PTPRG: variants seen among roughly 807,000 people sequenced by gnomAD.
PTPRG encodes protein tyrosine phosphatase receptor type G.
In PTPRG, 102 loss-of-function variants were observed where a neutral mutation model predicts 165.3. The observed-to-expected ratio is 0.62, with a 90% CI of 0.53 to 0.73. The LOEUF (loss-of-function observed/expected upper bound fraction) is 0.73, where lower values mean the gene tolerates loss of function less well. Among genes scored for constraint, PTPRG ranks in the 30% least tolerant of loss-of-function variants. The pLI, the probability that PTPRG is intolerant of heterozygous loss-of-function variation, is 0.00. For missense variants in PTPRG, 1,866 were observed against 1,861.4 expected, an observed-to-expected ratio of 1.00 and a Z score of -0.05; for synonymous variants, 675 against 669.5, an observed-to-expected ratio of 1.01 and a Z score of -0.13.
At chr3:61,997,558 C>G (rs892659319) in intron 3 of PTPRG, among the ~76,000 whole-genome samples, 8 of 152,160 alleles carry the variant, frequency 5.3e-5, no homozygotes, top group Non-Finnish European at 1.2e-4. Context: ...TAACTCTCAG[C>G]TCAGACCATG....
chr3:61,616,266 G>A (rs1439454474), intron 1 of PTPRG, among the ~76,000 whole-genome samples: 1 of 152,138 alleles, frequency 6.6e-6, no homozygotes, highest in Non-Finnish European at 1.5e-5. Flanking sequence ...ATGGTATTTA[G>A]AAACCAACAT....
intron 2 of PTPRG, among the ~76,000 whole-genome samples, chr3:61,892,999 C>T (rs1192195396): frequency 6.6e-6 from 1 of 152,082 alleles, no homozygotes; most frequent in Non-Finnish European, 1.5e-5. Flanking sequence ...CGATTCAAAA[C>T]CTTCATTCCC....
In PTPRG at chr3:62,081,125, C is replaced by T. The variant is rs563360962; in HGVS notation, c.615+2867C>T. On this transcript the variant is annotated intron_variant, in intron 5 of 29. Transcript: ENST00000474889. ...ACAAAAAATTAGCCGGGCGTGGTGG[C>T]GGGCACCTGTAGTCCCAGCTACTCG... Among the ~76,000 whole-genome samples, 41 of 151,744 alleles carry T rather than the reference C, an allele frequency of 2.7e-4. No homozygotes were observed. The South Asian group carries it at 5.2e-3, about 19-fold the overall frequency.
intron 5 of PTPRG, among the ~76,000 whole-genome samples, chr3:62,131,485 A>G (rs1703512174): frequency 6.6e-6 from 1 of 152,182 alleles, no homozygotes; most frequent in Admixed American, 6.5e-5. Flanking sequence ...AATTAATTCT[A>G]GGGGTGGCTC....
Position 61,984,770 on chromosome 3 carries a change from C to T in PTPRG, c.191-4855C>T, listed in dbSNP as rs140192281. Among the ~76,000 whole-genome samples the T allele has an allele frequency of 3.3e-3, 508 of 152,258 alleles. 6 individuals carry two copies. The East Asian group carries it at 0.042, about 13-fold the overall frequency. On this transcript the variant is annotated intron_variant, in intron 2 of 29. Coordinates refer to ENST00000474889, the MANE Select transcript of PTPRG (RefSeq NM_002841.4). ...GATTCCACCATTCAATCTAGAGCACCACATTCTATTTATTGTCTGTGTCTC... is the reference window on the plus strand; with the variant it reads ...GATTCCACCATTCAATCTAGAGCACTACATTCTATTTATTGTCTGTGTCTC...
chr3:61,576,723 G>A (rs182994335), intron 1 of PTPRG, among the ~76,000 whole-genome samples: 1 of 152,220 alleles, frequency 6.6e-6, no homozygotes, highest in African/African-American at 2.4e-5. Context: ...AAATAGGTGT[G>A]CTGCTACATG....
intron 2 of PTPRG, among the ~76,000 whole-genome samples, chr3:61,827,254 T>C (rs1446987719): frequency 3.3e-5 from 5 of 152,212 alleles, no homozygotes; most frequent in African/African-American, 9.6e-5. Flanking sequence ...AAGATTCTAT[T>C]TGGAGGACTG....
At chr3:61,602,142 C>A (rs914127719) in intron 1 of PTPRG, among the ~76,000 whole-genome samples, 1 of 150,966 alleles carries the variant, frequency 6.6e-6, no homozygotes, top group Non-Finnish European at 1.5e-5. Flanking sequence ...TCTGTTCAGG[C>A]CTTCCTAGCT....
At chr3:61,621,081 ATT>A (rs1180480542) in intron 1 of PTPRG, among the ~76,000 whole-genome samples, 5 of 109,696 alleles carry the variant, frequency 4.6e-5, no homozygotes, top group East Asian at 2.5e-4. Context: ...GTGTGTGTAT[ATT>A]TATTTATCTG....
intron 9 of PTPRG, among the ~76,000 whole-genome samples, chr3:62,193,855 A>T (rs11921878): frequency 0.091 from 13,926 of 152,270 alleles, 2,093 homozygotes; most frequent in African/African-American, 0.31. Context: ...GGCCCAGAAC[A>T]CATGCTTTGA....
At chr3:62,146,398 T>C (rs1347927658) in intron 6 of PTPRG, among the ~76,000 whole-genome samples, 1 of 152,088 alleles carries the variant, frequency 6.6e-6, no homozygotes, top group Non-Finnish European at 1.5e-5. Context: ...ATTAATAAGG[T>C]GGACTGTCTC....
chr3:62,184,145 CG>C (rs917849268), intron 8 of PTPRG, among the ~76,000 whole-genome samples: 4 of 152,154 alleles, frequency 2.6e-5, no homozygotes, highest in African/African-American at 9.7e-5. Flanking sequence ...CTCTCGGATT[CG>C]GTTATGCGTT....
chr3:61,911,175 C>G (rs1247803986), intron 2 of PTPRG, among the ~76,000 whole-genome samples: 1 of 152,134 alleles, frequency 6.6e-6, no homozygotes, highest in Non-Finnish European at 1.5e-5. Context: ...TACTTATGAA[C>G]TGATACTTAA....
At chr3:61,986,372 G>C (rs944741001) in intron 2 of PTPRG, among the ~76,000 whole-genome samples, 2 of 152,156 alleles carry the variant, frequency 1.3e-5, no homozygotes, top group African/African-American at 4.8e-5. Context: ...TTGTATAATA[G>C]TAATAATGGG....
intron 19 of PTPRG, 137 bp downstream of exon 19, chr3:62,267,956 G>C (rs1701938076): frequency 9.8e-7 from 1 of 1,022,078 alleles, no homozygotes; most frequent in Admixed American, 2.6e-5. Flanking sequence ...GCTTTATCTT[G>C]CTTATGATTC....
intron 1 of PTPRG, among the ~76,000 whole-genome samples, chr3:61,707,506 C>CT (rs1389585829): frequency 6.6e-6 from 1 of 152,112 alleles, no homozygotes; most frequent in Non-Finnish European, 1.5e-5. Context: ...GTGGCCCTAG[C>CT]TTTAAGGCAG....
chr3:61,698,842 A>G (rs1422304113), intron 1 of PTPRG, among the ~76,000 whole-genome samples: 1 of 152,234 alleles, frequency 6.6e-6, no homozygotes, highest in East Asian at 1.9e-4. Context: ...TGCAGCCATA[A>G]AAAATGATGA....
intron 3 of PTPRG, among the ~76,000 whole-genome samples, chr3:61,995,030 G>T (rs1189399404): frequency 2.7e-5 from 4 of 150,160 alleles, no homozygotes; most frequent in African/African-American, 9.8e-5. Context: ...TACCACTTTA[G>T]ATGGGTACCT....
At chr3:62,164,859 A>G (rs1240849644) in intron 7 of PTPRG, among the ~76,000 whole-genome samples, 6 of 152,338 alleles carry the variant, frequency 3.9e-5, no homozygotes, top group South Asian at 2.1e-4. Flanking sequence ...AACAAACTGC[A>G]GAGTCGTATT....
Sources: allele counts gnomAD v4.1 joint callset (sites outside exome capture counted in the v4.1 genomes callset), GRCh38; gene constraint gnomAD v4.1.1; transcripts MANE v1.5; gene names NCBI Gene and HGNC (gene_info 2026-07-23, HGNC 2026-07-21).